The following ADAMTS3 variants were observed in gnomAD, a reference collection of about 807,000 sequenced individuals.
ADAMTS3 encodes the protein A disintegrin and metalloproteinase with thrombospondin motifs 3.
A neutral mutation model predicts 129.0 loss-of-function variants in ADAMTS3; 73 were observed. The observed-to-expected ratio is 0.57, with a 90% CI of 0.47 to 0.69. The LOEUF (loss-of-function observed/expected upper bound fraction) is 0.69. ADAMTS3 is among the 30% of genes least tolerant of loss of function. The probability of loss-of-function intolerance (pLI) is 0.00; values close to 1 mark genes in which losing one functional copy is unlikely to be tolerated. For missense variants in ADAMTS3, 1,457 were observed against 1,514.5 expected (o/e 0.96, Z 0.63); for synonymous variants, 477 against 510.8 (o/e 0.93, Z 0.89).
Position 72,530,036 on chromosome 4 carries a change from A to ATTATATTTATATATAATATATT in ADAMTS3, c.504+18441_504+18442insAATATATTATATATAAATATAA, listed in dbSNP as rs1560553487. On this transcript the variant is annotated intron_variant, in intron 3 of 21. Transcript: ENST00000286657. ...ATATATTATATTTATATATAAATAT[A>ATTATATTTATATATAATATATT]ATATATTATATTTATATATAATATG... is the stretch of plus-strand genomic sequence containing the variant. Among the ~76,000 whole-genome samples the ATTATATTTATATATAATATATT allele has an allele frequency of 1.2e-3, 9 of 7,728 alleles. 3 individuals carry two copies. Among genetic ancestry groups the ATTATATTTATATATAATATATT allele is most frequent in the African/African-American group, 2.7e-3 (7 of 2,610 alleles). 5.1% of individuals were successfully genotyped at this position (7,728 alleles called of 152,430 possible). A position where few individuals can be genotyped will look rare whatever the true frequency, so the allele number is the denominator to read the frequency against.
intron 6 of ADAMTS3, 108 bp from the exon 7 acceptor site, chr4:72,320,978 C>A: frequency 8.5e-7 from 1 of 1,172,984 alleles, no homozygotes. Context: ...AACAATGATT[C>A]AATAATATTT....
chr4:72,326,045 A>G (rs1334444733), intron 5 of ADAMTS3, among the ~76,000 whole-genome samples: 2 of 152,178 alleles, frequency 1.3e-5, no homozygotes, highest in African/African-American at 4.8e-5. Flanking sequence ...TCACCAAAAT[A>G]AAAGTATTAC....
chr4:72,360,619 A>C (rs1021730476), intron 4 of ADAMTS3, among the ~76,000 whole-genome samples: 1 of 152,042 alleles, frequency 6.6e-6, no homozygotes, highest in Non-Finnish European at 1.5e-5. Flanking sequence ...TTATGGAAAC[A>C]CATGCACATA....
At position 72,524,084 on chromosome 4, in the gene ADAMTS3, C is replaced by G. The variant is rs146840590; in HGVS notation, c.504+24394G>C. On this transcript the variant is annotated intron_variant, in intron 3 of 21. Coordinates refer to ENST00000286657, the MANE Select transcript of ADAMTS3 (RefSeq NM_014243.3). ...TGTTTAATTTTGTTTAGCTCATATACTTGAAAAGATTACTTTTAGCTTCCT... is the reference window on the plus strand; with the variant it reads ...TGTTTAATTTTGTTTAGCTCATATAGTTGAAAAGATTACTTTTAGCTTCCT... 7.2e-3 allele frequency among the ~76,000 whole-genome samples: 1,098 copies of G among 152,230 alleles called. 13 individuals are homozygous for G. The highest frequency in any genetic ancestry group is 0.01 in the South Asian group (49 of 4,826).
chr4:72,550,011 A>G (rs1203308441), intron 2 of ADAMTS3, among the ~76,000 whole-genome samples: 20 of 1,322 alleles, frequency 0.015, 2 homozygotes, highest in African/African-American at 0.044. Flanking sequence ...GAAGAAGAAG[A>G]AGAAGAAGAA....
chr4:72,299,596 C>T (rs987101638), intron 17 of ADAMTS3, among the ~76,000 whole-genome samples: 38 of 152,080 alleles, frequency 2.5e-4, no homozygotes, highest in Non-Finnish European at 1.3e-4. Context: ...ACAGTTAGAA[C>T]AATTGTTACT....
chr4:72,308,664 A>G (rs1423933261), intron 15 of ADAMTS3, among the ~76,000 whole-genome samples: 4 of 151,964 alleles, frequency 2.6e-5, no homozygotes, highest in Non-Finnish European at 5.9e-5. Context: ...TTCAGTAATA[A>G]ATGTCTGTAT....
intron 2 of ADAMTS3, among the ~76,000 whole-genome samples, chr4:72,555,384 G>C (rs1337194067): frequency 6.6e-6 from 1 of 151,782 alleles, no homozygotes; most frequent in Non-Finnish European, 1.5e-5. Context: ...CATCACTACA[G>C]TAGAGGATCA....
At chr4:72,319,638 TTTCTTA>T (rs1196188514) in intron 8 of ADAMTS3, among the ~76,000 whole-genome samples, 163 bp from the exon 9 acceptor site, 1 of 152,224 alleles carries the variant, frequency 6.6e-6, no homozygotes, top group African/African-American at 2.4e-5. Context: ...CAGAAATGCC[TTTCTTA>T]TTCTATAGCT....
At chr4:72,417,382 C>T (rs1439665673) in intron 3 of ADAMTS3, among the ~76,000 whole-genome samples, 1 of 152,162 alleles carries the variant, frequency 6.6e-6, no homozygotes, top group Non-Finnish European at 1.5e-5. Context: ...TTTGAAAACA[C>T]TTCTCCATAC....
intron 1 of ADAMTS3, 77 bp downstream of exon 1, chr4:72,568,617 G>A (rs568370566): frequency 1.9e-6 from 2 of 1,060,404 alleles, no homozygotes; most frequent in African/African-American, 1.6e-5. Flanking sequence ...GGAAAGAGAG[G>A]AGGGTAGAGA....
chr4:72,478,988 G>C (rs954461636), intron 3 of ADAMTS3, among the ~76,000 whole-genome samples: 1 of 152,134 alleles, frequency 6.6e-6, no homozygotes, highest in African/African-American at 2.4e-5. Context: ...ACTTACAAGG[G>C]ACGTGAAGGA....
At chr4:72,333,848 C>CTTT (rs6148516) in intron 5 of ADAMTS3, among the ~76,000 whole-genome samples, 78,510 of 99,074 alleles carry the variant, frequency 0.79, 33,674 homozygotes, top group Non-Finnish European at 0.88. Flanking sequence ...TGTTTGCTTG[C>CTTT]TTTTTTTTTT....
chr4:72,440,811 G>A (rs1718094169), intron 3 of ADAMTS3, among the ~76,000 whole-genome samples: 1 of 151,700 alleles, frequency 6.6e-6, no homozygotes, highest in Non-Finnish European at 1.5e-5. Flanking sequence ...TAAGTCCCGT[G>A]GGAGTGAAAT....
intron 4 of ADAMTS3, among the ~76,000 whole-genome samples, chr4:72,341,253 A>G (rs1417316999): frequency 6.6e-6 from 1 of 152,210 alleles, no homozygotes; most frequent in East Asian, 1.9e-4. Flanking sequence ...GTAGGGGGAC[A>G]TGGTCTGAAT....
At chr4:72,367,843 C>G (rs1316201939) in intron 4 of ADAMTS3, among the ~76,000 whole-genome samples, 1 of 100,392 alleles carries the variant, frequency 1.0e-5, no homozygotes, top group African/African-American at 4.1e-5. Context: ...AAGCAAGACT[C>G]TGTGTCAAAA....
At chr4:72,550,739 G>GA (rs34040875) in intron 2 of ADAMTS3, among the ~76,000 whole-genome samples, 106,285 of 151,866 alleles carry the variant, frequency 0.7, 37,379 homozygotes, top group South Asian at 0.76. Context: ...GGTTTAGAGA[G>GA]AAAAACAAAC....
intron 4 of ADAMTS3, among the ~76,000 whole-genome samples, chr4:72,352,031 A>C (rs564417283): frequency 6.6e-6 from 1 of 151,992 alleles, no homozygotes; most frequent in Non-Finnish European, 1.5e-5. Flanking sequence ...TGATAAGGAA[A>C]GTGGCACAAT....
At chr4:72,539,849 T>C (rs1022294583) in intron 3 of ADAMTS3, among the ~76,000 whole-genome samples, 2 of 152,204 alleles carry the variant, frequency 1.3e-5, no homozygotes, top group South Asian at 4.1e-4. Context: ...CCTTCCGCCA[T>C]GATTGTGAGG....
Sources: gnomAD v4.1 joint callset for allele counts (sites outside exome capture counted in the v4.1 genomes callset) on GRCh38, gnomAD v4.1.1 for gene constraint, MANE v1.5 for transcripts, NCBI Gene and HGNC (gene_info 2026-07-23, HGNC 2026-07-21) for gene names.